The following ROCK2 variants were observed in gnomAD, a reference collection of about 807,000 sequenced individuals.
ROCK2 encodes rho-associated protein kinase 2.
In ROCK2, 61 loss-of-function variants were observed where a neutral mutation model predicts 195.1. That is an observed-to-expected ratio of 0.31 (90% confidence interval 0.25 to 0.39). ROCK2 has a LOEUF of 0.39. Ranked by LOEUF, ROCK2 falls within the 10% of genes least tolerant of loss-of-function variation. The pLI is 1.00. For synonymous variants in ROCK2, 504 were observed against 545.5 expected (o/e 0.92, Z 1.06); for missense variants, 1,109 against 1,637.4 (o/e 0.68, Z 5.57).
At chr2:11,222,724 C>T (rs1292868577) in intron 7 of ROCK2, among the ~76,000 whole-genome samples, 1 of 151,996 alleles carries the variant, frequency 6.6e-6, no homozygotes, top group Non-Finnish European at 1.5e-5. Context: ...CTTTGACCCT[C>T]TGAGTCTTCA....
At position 11,271,973 on chromosome 2, in the gene ROCK2, T is replaced by C. The variant is rs1666649895; in HGVS notation, c.324+14566A>G. On this transcript the variant is annotated intron_variant, in intron 3 of 32. Transcript: ENST00000315872. ...AGGCGGAGCTTGCAGTGAGCAGAGATCACACCACTGCACTCCAGCCTGGGA... is the reference window on the plus strand; with the variant it reads ...AGGCGGAGCTTGCAGTGAGCAGAGACCACACCACTGCACTCCAGCCTGGGA... Among the ~76,000 whole-genome samples the C allele has an allele frequency of 2.1e-5, 3 of 141,828 alleles. No homozygotes were observed. The South Asian group carries it at 6.6e-4, about 31-fold the overall frequency. The allele number at this position is 141,828 out of a possible 152,430, so 93.0% of individuals were successfully genotyped here.
intron 17 of ROCK2, 72 bp downstream of exon 17, chr2:11,214,285 G>T: frequency 1.2e-6 from 1 of 833,088 alleles, no homozygotes; most frequent in Non-Finnish European, 1.9e-6. Flanking sequence ...ACTTCCCTTA[G>T]TTTAGAATAA....
In ROCK2 at chr2:11,192,614, C is replaced by T. The variant is rs774691555; in HGVS notation, c.3786G>A (p.Glu1262=). The T allele has an allele frequency of 1.2e-6, 2 of 1,613,906 alleles. No individual in the cohort carries two copies. The change falls in exon 31 of 33, where the codon GAG becomes GAA. Residue 1262 remains glutamate, a synonymous_variant. Transcript: ENST00000315872. This position sits in a 1 kb window ranked among gnomAD's most constrained non-coding sequence, Gnocchi z 5.0. ...GGAAATGATAAAGAGTAGGAATAAA[C>T]TCATGTCCCTTGTGGCAAATATAAT... ...KSNYICHKGH[E]FIPTLYHFPT... is the part of the protein sequence containing the mutation.
intron 3 of ROCK2, among the ~76,000 whole-genome samples, chr2:11,256,895 C>T (rs1055878669): frequency 1.3e-5 from 2 of 151,182 alleles, no homozygotes; most frequent in Non-Finnish European, 2.9e-5. Context: ...AATATTAATA[C>T]CCCATGGTCT....
chr2:11,203,944 CT>C (rs1218050421), intron 20 of ROCK2, among the ~76,000 whole-genome samples: 1 of 152,096 alleles, frequency 6.6e-6, no homozygotes, highest in East Asian at 1.9e-4. Context: ...TTATATGTAA[CT>C]TTTATAACCT....
intron 1 of ROCK2, among the ~76,000 whole-genome samples, chr2:11,323,041 G>C (rs1428884352): frequency 6.6e-6 from 1 of 152,056 alleles, no homozygotes; most frequent in Non-Finnish European, 1.5e-5. Context: ...GATTTTTTAG[G>C]GTAAACAAGT....
At chr2:11,255,749 G>GTC (rs1397078906) in intron 3 of ROCK2, among the ~76,000 whole-genome samples, 1 of 149,712 alleles carries the variant, frequency 6.7e-6, no homozygotes, top group Non-Finnish European at 1.5e-5. Context: ...GTGAAACCCC[G>GTC]TCTCTACTAA....
intron 1 of ROCK2, among the ~76,000 whole-genome samples, chr2:11,320,771 T>C (rs1207085589): frequency 6.6e-6 from 1 of 152,212 alleles, no homozygotes; most frequent in Admixed American, 6.5e-5. Context: ...AGCCCTATCA[T>C]GGCCACTTCC....
chr2:11,344,995 C>G (rs1572438041), upstream of ROCK2, among the ~76,000 whole-genome samples: 1 of 150,858 alleles, frequency 6.6e-6, no homozygotes, highest in Non-Finnish European at 1.5e-5. The surrounding 1 kb of genome is among the most constrained non-coding windows in gnomAD (Gnocchi z 5.4). Flanking sequence ...GACGCCGGGC[C>G]CAGCGCACCG....
intron 7 of ROCK2, 68 bp from the exon 8 acceptor site, chr2:11,222,242 C>T: frequency 1.2e-6 from 1 of 835,036 alleles, no homozygotes; most frequent in Non-Finnish European, 1.9e-6. Context: ...TCTATGTCAA[C>T]AGTTTAACCA....
chr2:11,195,410 A>G (rs1178713206), intron 27 of ROCK2, among the ~76,000 whole-genome samples: 1 of 152,020 alleles, frequency 6.6e-6, no homozygotes, highest in Non-Finnish European at 1.5e-5. Context: ...AGAGGGCCAC[A>G]TTGTGCACAT....
At chr2:11,340,246 C>T (rs1190886687) in intron 1 of ROCK2, among the ~76,000 whole-genome samples, 1 of 152,174 alleles carries the variant, frequency 6.6e-6, no homozygotes, top group Admixed American at 6.5e-5. Context: ...CAAATACATT[C>T]ATATTCCTCC....
rs1200054355 is a variant in ROCK2, at chr2:11,259,785, GATTGAT to G, written c.325-9993_325-9988del. On this transcript the variant is annotated intron_variant, in intron 3 of 32. Transcript: ENST00000315872. ...AAAAAAAATTTTTTGAAATTTGAAGGATTGATATACAGTAACTGTATATAACAAGAA... is the reference window on the plus strand; with the variant it reads ...AAAAAAAATTTTTTGAAATTTGAAGGATACAGTAACTGTATATAACAAGAA... Among the ~76,000 whole-genome samples the G allele has an allele frequency of 2.9e-4, 43 of 150,864 alleles. 2 individuals carry two copies. Among genetic ancestry groups the G allele is most frequent in the African/African-American group, 1.0e-3 (41 of 40,606 alleles).
At chr2:11,336,161 A>C (rs551841850) in intron 1 of ROCK2, among the ~76,000 whole-genome samples, 54 of 152,344 alleles carry the variant, frequency 3.5e-4, no homozygotes, top group African/African-American at 1.3e-3. Context: ...AAAAATGACA[A>C]ATCTTTCTTC....
chr2:11,219,810 C>A (rs181662085), intron 9 of ROCK2, among the ~76,000 whole-genome samples: 2 of 151,514 alleles, frequency 1.3e-5, no homozygotes, highest in African/African-American at 4.8e-5. Context: ...TCAAAAGCCC[C>A]TTAGCAGAGC....
At chr2:11,313,056 T>C (rs1490746287) in intron 1 of ROCK2, among the ~76,000 whole-genome samples, 1 of 152,104 alleles carries the variant, frequency 6.6e-6, no homozygotes, top group African/African-American at 2.4e-5. Context: ...GGATACTTGA[T>C]ATTACACATC....
At chr2:11,307,581 G>A (rs1314720200) in intron 1 of ROCK2, among the ~76,000 whole-genome samples, 1 of 152,154 alleles carries the variant, frequency 6.6e-6, no homozygotes. Flanking sequence ...CCAAGTGCTG[G>A]TATTACAGGC....
At chr2:11,236,933 C>A (rs1431945028) in intron 4 of ROCK2, among the ~76,000 whole-genome samples, 1 of 152,050 alleles carries the variant, frequency 6.6e-6, no homozygotes, top group South Asian at 2.1e-4. Flanking sequence ...AGTGGATCAC[C>A]TGAGGTCAGG....
At chr2:11,196,472 G>T (rs1022839004) in intron 27 of ROCK2, among the ~76,000 whole-genome samples, 3 of 152,096 alleles carry the variant, frequency 2.0e-5, no homozygotes, top group African/African-American at 7.2e-5. Context: ...TCCATTTCTC[G>T]CAAGTTGGCA....
Sources: allele counts gnomAD v4.1 joint callset (sites outside exome capture counted in the v4.1 genomes callset), GRCh38; gene constraint gnomAD v4.1.1; non-coding constraint Gnocchi (gnomAD v3.1); transcripts MANE v1.5; gene names NCBI Gene and HGNC (gene_info 2026-07-23, HGNC 2026-07-21).